The following FMN1 variants were observed in gnomAD, a reference collection of about 807,000 sequenced individuals.
FMN1 encodes the protein formin-1.
A neutral mutation model predicts 132.4 loss-of-function variants in FMN1; 110 were observed. That is an observed-to-expected ratio of 0.83 (90% CI 0.71 to 0.97). The LOEUF is 0.97. Ranked by LOEUF, FMN1 falls within the 50% of genes least tolerant of loss-of-function variation. FMN1 has a pLI of 0.00. For synonymous variants in FMN1, 722 were observed against 651.7 expected (o/e 1.11, Z -1.64); for missense variants, 1,792 against 1,705.3 (o/e 1.05, Z -0.90).
chr15:32,771,706 T>G lies in FMN1; in HGVS notation c.*2604A>C, dbSNP rs936949049. 6.6e-6 allele frequency: 1 copy of G among 152,278 alleles called. No individual in the cohort carries two copies. Among genetic ancestry groups the G allele is most frequent in the Non-Finnish European group, 1.5e-5 (1 of 68,086 alleles). 9.4% of individuals were successfully genotyped at this position (152,278 alleles called of 1,614,324 possible). A position where few individuals can be genotyped will look rare whatever the true frequency, so the allele number is the denominator to read the frequency against. ...GCCTGCTGGCAGGATGTGCTTAAGC[T>G]GCCAAATGGCATCCCGATCACCTCC... On this transcript the variant is annotated 3_prime_UTR_variant, in exon 21 of 21. Transcript: ENST00000616417.
At chr15:33,029,554 C>T (rs966855210) in intron 6 of FMN1, among the ~76,000 whole-genome samples, 1 of 152,118 alleles carries the variant, frequency 6.6e-6, no homozygotes, top group South Asian at 2.1e-4. Context: ...TATTAGTTTT[C>T]CTCAATAGCT....
At chr15:33,014,335 G>A (rs1292089332) in intron 6 of FMN1, among the ~76,000 whole-genome samples, 1 of 152,212 alleles carries the variant, frequency 6.6e-6, no homozygotes, top group African/African-American at 2.4e-5. Flanking sequence ...GGGAGGCAGA[G>A]GTGTCAACTC....
At chr15:32,989,563 C>A (rs2033305311) in intron 7 of FMN1, among the ~76,000 whole-genome samples, 1 of 152,124 alleles carries the variant, frequency 6.6e-6, no homozygotes, top group African/African-American at 2.4e-5. Flanking sequence ...CACCCGCCCC[C>A]CACCAAAAGA....
At position 33,153,552 on chromosome 15, in the gene FMN1, T is replaced by C; in HGVS notation, c.1363A>G (p.Arg455Gly). ...GGCAACCCGGCTCTCCTCTTGTTTC[T>C]CGTTTCTGGGCGAGTGTGAGGGACA... The part of the protein sequence containing the change: ...TSVPHTRPET[R>G]NKRRAGLPLG... Residue 455 changes from arginine (R) to glycine (G), a missense_variant, in exon 4 of 21, where the codon AGA becomes GGA. By Grantham distance (125) the Arg-to-Gly change is moderately radical. Around this residue, in one of 3 missense-constraint regions of FMN1, gnomAD observed 638 missense variants for 645.2 expected, o/e 0.99. Coordinates refer to ENST00000616417, the MANE Select transcript of FMN1 (RefSeq NM_001277313.2). 6.5e-7 allele frequency: 1 copy of C among 1,536,258 alleles called. No homozygotes were observed. Among genetic ancestry groups the C allele is most frequent in the Non-Finnish European group, 8.7e-7 (1 of 1,146,938 alleles).
rs367613478 is a variant in FMN1 at position 32,936,264 on chromosome 15, CCT to C, written c.3139-10005_3139-10004del. Among the ~76,000 whole-genome samples the C allele has an allele frequency of 1.3e-3, 190 of 150,116 alleles. 1 individual carries two copies. Among genetic ancestry groups the C allele is most frequent in the African/African-American group, 3.0e-3 (124 of 41,372 alleles). ...TGTTCCACTGGTTGGTCCATGCTCC[CCT>C]GTTTCTTTGTGTGCTTTGTTACTTT... On this transcript the variant is annotated intron_variant, in intron 9 of 20. Coordinates refer to ENST00000616417, the MANE Select transcript of FMN1 (RefSeq NM_001277313.2).
intron 3 of FMN1, among the ~76,000 whole-genome samples, chr15:33,163,110 G>A (rs1964960047): frequency 6.6e-6 from 1 of 152,160 alleles, no homozygotes; most frequent in African/African-American, 2.4e-5. Context: ...CTGGGTGACA[G>A]AGTGAGACAC....
At chr15:32,886,507 G>A (rs746906981) in intron 16 of FMN1, among the ~76,000 whole-genome samples, 12 of 152,142 alleles carry the variant, frequency 7.9e-5, no homozygotes, top group Non-Finnish European at 1.3e-4. Context: ...GGCGCTATGG[G>A]GGAACCCTTG....
chr15:33,019,504 C>T (rs1270508122), intron 6 of FMN1, among the ~76,000 whole-genome samples: 2 of 152,206 alleles, frequency 1.3e-5, no homozygotes, highest in African/African-American at 2.4e-5. Context: ...CTTGGGCGGT[C>T]GATGGGACCG....
At chr15:32,830,640 A>C (rs2058477263) in intron 17 of FMN1, among the ~76,000 whole-genome samples, 1 of 152,224 alleles carries the variant, frequency 6.6e-6, no homozygotes, top group South Asian at 2.1e-4. Context: ...GTATCAGCTA[A>C]GTAATTTCTC....
At chr15:33,127,335 A>T (rs1250921690) in intron 4 of FMN1, among the ~76,000 whole-genome samples, 1 of 151,228 alleles carries the variant, frequency 6.6e-6, no homozygotes, top group Non-Finnish European at 1.5e-5. Context: ...TTCAACCTGG[A>T]CCCTAAATCC....
chr15:32,774,656 A>G (rs2140858188), intron 20 of FMN1, among the ~76,000 whole-genome samples: 1 of 152,310 alleles, frequency 6.6e-6, no homozygotes, highest in South Asian at 2.1e-4. Context: ...TTTGTGACAA[A>G]GACCCTAACT....
At chr15:33,128,402 T>G (rs1040814953) in intron 4 of FMN1, among the ~76,000 whole-genome samples, 3 of 152,224 alleles carry the variant, frequency 2.0e-5, no homozygotes, top group Admixed American at 2.0e-4. Context: ...GCCCGCCATT[T>G]GTTCATCAAC....
chr15:32,913,118 C>T (rs1435098387), intron 10 of FMN1, among the ~76,000 whole-genome samples: 1 of 152,074 alleles, frequency 6.6e-6, no homozygotes, highest in African/African-American at 2.4e-5. Context: ...TACTAGGAAA[C>T]CCTTCCAGTC....
At chr15:33,193,620 C>T (rs973776219) in intron 2 of FMN1, among the ~76,000 whole-genome samples, 1 of 152,124 alleles carries the variant, frequency 6.6e-6, no homozygotes, top group South Asian at 2.1e-4. Context: ...CTGCCACTCC[C>T]CATATATATC....
At chr15:32,777,565 AC>A (rs1276884082) in intron 19 of FMN1, among the ~76,000 whole-genome samples, 1 of 147,388 alleles carries the variant, frequency 6.8e-6, no homozygotes, top group Non-Finnish European at 1.5e-5. Flanking sequence ...AACATATAAC[AC>A]TTTATATATT....
At chr15:32,886,577 A>G (rs1447012300) in intron 16 of FMN1, among the ~76,000 whole-genome samples, 1 of 152,152 alleles carries the variant, frequency 6.6e-6, no homozygotes, top group East Asian at 1.9e-4. Flanking sequence ...CATCAAACGT[A>G]CAGGGACGTC....
intron 7 of FMN1, among the ~76,000 whole-genome samples, chr15:32,987,457 T>TCA: frequency 6.6e-6 from 1 of 152,152 alleles, no homozygotes; most frequent in Admixed American, 6.6e-5. Context: ...CGTTAGACCA[T>TCA]CACCTTTCCC....
intron 16 of FMN1, among the ~76,000 whole-genome samples, chr15:32,874,558 T>C (rs2059594755): frequency 6.6e-6 from 1 of 152,184 alleles, no homozygotes. Context: ...GGGAAAATTC[T>C]ATATACCTTC....
At chr15:33,139,202 C>T (rs1464363810) in intron 4 of FMN1, among the ~76,000 whole-genome samples, 1 of 152,102 alleles carries the variant, frequency 6.6e-6, no homozygotes, top group Non-Finnish European at 1.5e-5. Flanking sequence ...TTGTGTATCC[C>T]CTTGAATTCA....
Sources: allele counts gnomAD v4.1 joint callset (sites outside exome capture counted in the v4.1 genomes callset), GRCh38; gene constraint gnomAD v4.1.1; regional missense constraint gnomAD v4.1.1; transcripts MANE v1.5; gene names NCBI Gene and HGNC (gene_info 2026-07-23, HGNC 2026-07-21).